Variants in RUNX2 observed in about 807,000 individuals in gnomAD.
RUNX2 encodes the protein RUNX family transcription factor 2.
A neutral mutation model predicts 51.7 loss-of-function variants in RUNX2; 10 were observed. That is an observed-to-expected ratio of 0.19 (90% CI 0.12 to 0.33). The LOEUF (loss-of-function observed/expected upper bound fraction) is 0.33, where lower values mean the gene tolerates loss of function less well. Ranked by LOEUF, RUNX2 falls within the 10% of genes least tolerant of loss-of-function variation. The pLI is 1.00. For synonymous variants in RUNX2, 276 were observed against 273.6 expected (o/e 1.01, Z -0.09); for missense variants, 562 against 691.3 (o/e 0.81, Z 2.10).
At chr6:45,338,726 TA>T (rs1789144413) in intron 2 of RUNX2, among the ~76,000 whole-genome samples, 1 of 152,120 alleles carries the variant, frequency 6.6e-6, no homozygotes, top group African/African-American at 2.4e-5. Context: ...AATTTTTTTA[TA>T]AAACATCCAA....
Position 45,408,015 on chromosome 6 carries a change from C to A in RUNX2, c.59-14578C>A, listed in dbSNP as rs547013748. On this transcript the variant is annotated intron_variant, in intron 2 of 8. Transcript: ENST00000647337. ...CCATGGTATAGAATTGATGAAAGAA[C>A]ATAACTACATTATACTTTTTATAAA... is the stretch of plus-strand genomic sequence containing the variant. Among the ~76,000 whole-genome samples the A allele has an allele frequency of 9.9e-5, 15 of 152,146 alleles. No homozygotes were observed. In the South Asian group the frequency reaches 1.7e-3, roughly 17 times the overall value.
At chr6:45,530,326 A>G (rs963509600) in intron 7 of RUNX2, among the ~76,000 whole-genome samples, 1 of 152,252 alleles carries the variant, frequency 6.6e-6, no homozygotes, top group Non-Finnish European at 1.5e-5. Context: ...AATAAGCAGT[A>G]CCACTTTAGG....
intron 7 of RUNX2, among the ~76,000 whole-genome samples, chr6:45,541,475 A>C (rs543325564): frequency 6.6e-6 from 1 of 152,344 alleles, no homozygotes; most frequent in East Asian, 1.9e-4. Flanking sequence ...CTTGTGTATT[A>C]CATGTTCCAA....
At chr6:45,427,284 C>T (rs1188735009) in intron 3 of RUNX2, among the ~76,000 whole-genome samples, 1 of 151,824 alleles carries the variant, frequency 6.6e-6, no homozygotes, top group Non-Finnish European at 1.5e-5. Flanking sequence ...TGTTTGTATC[C>T]TTTCAAAATT....
At chr6:45,398,153 A>G (rs1301232930) in intron 2 of RUNX2, among the ~76,000 whole-genome samples, 2 of 152,224 alleles carry the variant, frequency 1.3e-5, no homozygotes. Context: ...CCTTGGCTTC[A>G]CTGCTTTCAG....
intron 6 of RUNX2, among the ~76,000 whole-genome samples, chr6:45,502,766 G>T (rs1344183238): frequency 6.6e-6 from 1 of 152,140 alleles, no homozygotes; most frequent in Non-Finnish European, 1.5e-5. Context: ...CTGCCAGAGG[G>T]AGATTTTAAA....
At chr6:45,428,378 A>G (rs572119032) in intron 3 of RUNX2, among the ~76,000 whole-genome samples, 30 of 152,274 alleles carry the variant, frequency 2.0e-4, no homozygotes, top group African/African-American at 7.0e-4. Context: ...TATAAAGTCA[A>G]ATACAGTACT....
chr6:45,453,116 C>T (rs1799221885), intron 5 of RUNX2, among the ~76,000 whole-genome samples: 1 of 152,148 alleles, frequency 6.6e-6, no homozygotes, highest in South Asian at 2.1e-4. Flanking sequence ...CACCCCTCCC[C>T]CCAAGATGAT....
At chr6:45,416,061 T>C (rs1379046497) in intron 2 of RUNX2, among the ~76,000 whole-genome samples, 1 of 152,216 alleles carries the variant, frequency 6.6e-6, no homozygotes, top group Non-Finnish European at 1.5e-5. Context: ...GAGAAAAGTC[T>C]AGTTTAGAAA....
chr6:45,417,186 C>T (rs1798082982), intron 2 of RUNX2, among the ~76,000 whole-genome samples: 1 of 152,158 alleles, frequency 6.6e-6, no homozygotes. Flanking sequence ...TATTGGTAAG[C>T]TCATTGAGTT....
intron 2 of RUNX2, among the ~76,000 whole-genome samples, chr6:45,334,934 T>C (rs559256124): frequency 4.0e-5 from 6 of 151,394 alleles, no homozygotes; most frequent in African/African-American, 1.4e-4. Context: ...CCAAAGATGT[T>C]ATTTTCCAGT....
At chr6:45,442,379 T>C (rs1271179228) in intron 5 of RUNX2, among the ~76,000 whole-genome samples, 2 of 152,192 alleles carry the variant, frequency 1.3e-5, no homozygotes, top group Non-Finnish European at 2.9e-5. Flanking sequence ...GCAGCAGCAA[T>C]AGTAATGCAT....
chr6:45,370,836 A>G (rs1795938053), intron 2 of RUNX2, among the ~76,000 whole-genome samples: 1 of 152,292 alleles, frequency 6.6e-6, no homozygotes, highest in Non-Finnish European at 1.5e-5. Flanking sequence ...AGTTTCTAGC[A>G]TATCCTCCTT....
chr6:45,528,928 G>A (rs1441944760), intron 7 of RUNX2, among the ~76,000 whole-genome samples: 1 of 152,170 alleles, frequency 6.6e-6, no homozygotes, highest in Non-Finnish European at 1.5e-5. Context: ...AATTGATAAG[G>A]GATGAGGAAC....
intron 2 of RUNX2, among the ~76,000 whole-genome samples, chr6:45,338,712 C>A (rs1789139518): frequency 6.6e-6 from 1 of 152,046 alleles, no homozygotes; most frequent in Non-Finnish European, 1.5e-5. Context: ...TTCGTTTTGT[C>A]ATCAATTTTT....
At chr6:45,473,238 C>A (rs1254933432) in intron 5 of RUNX2, among the ~76,000 whole-genome samples, 1 of 152,018 alleles carries the variant, frequency 6.6e-6, no homozygotes, top group Admixed American at 6.6e-5. Context: ...GGAGTGGTTC[C>A]CCACACCCCC....
chr6:45,452,232 C>A (rs1799194173), intron 5 of RUNX2, among the ~76,000 whole-genome samples: 1 of 152,186 alleles, frequency 6.6e-6, no homozygotes, highest in Non-Finnish European at 1.5e-5. Flanking sequence ...GTTCGTATAA[C>A]CTGGAGCTTG....
chr6:45,420,132 C>T (rs757292070), intron 2 of RUNX2, among the ~76,000 whole-genome samples: 3 of 152,160 alleles, frequency 2.0e-5, no homozygotes, highest in Non-Finnish European at 4.4e-5. Context: ...ACCTGGCTAC[C>T]CCGCACCCCC....
intron 2 of RUNX2, among the ~76,000 whole-genome samples, chr6:45,389,328 G>A (rs1247429231): frequency 1.3e-5 from 2 of 152,124 alleles, no homozygotes; most frequent in Admixed American, 6.5e-5. Flanking sequence ...CTACTTTCAC[G>A]ATCTGGGAGA....
Sources: gnomAD v4.1 joint callset for allele counts (sites outside exome capture counted in the v4.1 genomes callset) on GRCh38, gnomAD v4.1.1 for gene constraint, MANE v1.5 for transcripts, NCBI Gene and HGNC (gene_info 2026-07-23, HGNC 2026-07-21) for gene names.